FAAH2: variants seen among roughly 807,000 people sequenced by gnomAD.
FAAH2 encodes fatty-acid amide hydrolase 2.
A neutral mutation model predicts 36.9 loss-of-function variants in FAAH2; 60 were observed. The observed-to-expected ratio is 1.63, with a 90% CI of 1.32 to 2.02. The LOEUF is 2.02. FAAH2 is among the 30% of genes most tolerant of loss of function. FAAH2 has a pLI of 0.00. For missense variants in FAAH2, 689 were observed against 397.5 expected (o/e 1.73, Z -6.23); for synonymous variants, 214 against 143.8 (o/e 1.49, Z -3.49).
the FAAH2 span, among the ~76,000 whole-genome samples, chrX:57,245,285 G>T: frequency 1.8e-5 from 2 of 111,477 alleles, no homozygotes; most frequent in East Asian, 5.6e-4. Flanking sequence ...AATAGTGGGA[G>T]ACTTTAACAC....
At chrX:57,407,437 T>C (rs1448289208) in intron 7 of FAAH2, among the ~76,000 whole-genome samples, 1 of 112,044 alleles carries the variant, frequency 8.9e-6, no homozygotes, top group Non-Finnish European at 1.9e-5. Context: ...AACAATTTGT[T>C]GGTCAGCATT....
intron 10 of FAAH2, among the ~76,000 whole-genome samples, chrX:57,465,258 G>A (rs1013955108): frequency 9.0e-6 from 1 of 111,272 alleles, no homozygotes; most frequent in Non-Finnish European, 1.9e-5. Context: ...GGACCATTGT[G>A]ATACCCATCA....
At chrX:57,157,908 TTACATATTTA>T in the FAAH2 span, among the ~76,000 whole-genome samples, 5 of 110,762 alleles carry the variant, frequency 4.5e-5, no homozygotes, top group Admixed American at 2.9e-4. Context: ...TGCAGGTTTG[TTACATATTTA>T]TACAAGTGCC....
At chrX:57,387,744 C>T (rs1355788636) in intron 7 of FAAH2, among the ~76,000 whole-genome samples, 1 of 111,493 alleles carries the variant, frequency 9.0e-6, no homozygotes, top group Non-Finnish European at 1.9e-5. Context: ...GTGATAAATG[C>T]ATTTCTGAAA....
At chrX:57,233,560 C>G in the FAAH2 span, among the ~76,000 whole-genome samples, 3 of 111,662 alleles carry the variant, frequency 2.7e-5, no homozygotes, top group African/African-American at 9.8e-5. Flanking sequence ...GGGGGGAGGA[C>G]TTTTCCTTCC....
the FAAH2 span, among the ~76,000 whole-genome samples, chrX:57,158,920 A>T: frequency 2.0e-4 from 22 of 112,219 alleles, no homozygotes; most frequent in Non-Finnish European, 1.9e-5. Flanking sequence ...GTCTTTGCCC[A>T]TGCCATGTCC....
At chrX:57,445,952 A>G (rs766935321) in intron 8 of FAAH2, among the ~76,000 whole-genome samples, 30 of 112,318 alleles carry the variant, frequency 2.7e-4, no homozygotes, top group Admixed American at 1.1e-3. Context: ...GCCTCGGGCC[A>G]TGTTAGTCAG....
the FAAH2 span, among the ~76,000 whole-genome samples, chrX:57,264,293 A>C: frequency 8.9e-6 from 1 of 112,628 alleles, no homozygotes. Context: ...TACAGATTCC[A>C]CATATCTGGC....
At chrX:57,278,013 G>T in the FAAH2 span, among the ~76,000 whole-genome samples, 1 of 111,480 alleles carries the variant, frequency 9.0e-6, no homozygotes, top group African/African-American at 3.3e-5. Context: ...ATGATTTATA[G>T]ATTTAATGCC....
At chrX:57,308,520 T>C (rs981208631) in intron 2 of FAAH2, among the ~76,000 whole-genome samples, 3 of 111,869 alleles carry the variant, frequency 2.7e-5, no homozygotes, top group Non-Finnish European at 5.6e-5. Context: ...TCCTTATAGA[T>C]TCTGGATATT....
chrX:57,215,900 G>T, the FAAH2 span, among the ~76,000 whole-genome samples: 1 of 72,123 alleles, frequency 1.4e-5, no homozygotes, highest in Non-Finnish European at 2.3e-5. Context: ...AAACCACCAT[G>T]GCACTCATAT....
At chrX:57,370,473 T>C (rs1360198050) in intron 5 of FAAH2, among the ~76,000 whole-genome samples, 1 of 111,553 alleles carries the variant, frequency 9.0e-6, no homozygotes, top group Non-Finnish European at 1.9e-5. Flanking sequence ...CACAAATATA[T>C]AAGGCAAATA....
At chrX:57,399,635 C>A (rs766895715) in intron 7 of FAAH2, among the ~76,000 whole-genome samples, 8 of 111,405 alleles carry the variant, frequency 7.2e-5, no homozygotes, top group African/African-American at 1.6e-4. Context: ...TTTCTGATGA[C>A]CCCAGTAGTG....
intron 2 of FAAH2, among the ~76,000 whole-genome samples, chrX:57,293,937 G>A (rs1055205084): frequency 2.7e-5 from 3 of 111,053 alleles, no homozygotes; most frequent in African/African-American, 9.8e-5. Flanking sequence ...GAGACCTTAG[G>A]TAAAATAAAA....
chrX:57,292,086 C>A (rs1367346931), intron 1 of FAAH2, among the ~76,000 whole-genome samples: 2 of 111,129 alleles, frequency 1.8e-5, no homozygotes, highest in Admixed American at 1.9e-4. Context: ...TCTCCACTCT[C>A]CAACTCTTGG....
intron 5 of FAAH2, among the ~76,000 whole-genome samples, chrX:57,354,346 G>A (rs1006819336): frequency 2.7e-5 from 3 of 110,839 alleles, no homozygotes; most frequent in Non-Finnish European, 5.7e-5. Context: ...TAAGTATTAC[G>A]TGTTCTCCCC....
chrX:57,377,794 CTTGT>C (rs1287574102), intron 5 of FAAH2, among the ~76,000 whole-genome samples: 1 of 112,165 alleles, frequency 8.9e-6, no homozygotes, highest in Non-Finnish European at 1.9e-5. Flanking sequence ...TGTTTTTCCA[CTTGT>C]TTGTGTCCTC....
chrX:57,261,484 C>A, the FAAH2 span, among the ~76,000 whole-genome samples: 1 of 89,217 alleles, frequency 1.1e-5, no homozygotes, highest in Non-Finnish European at 2.1e-5. Flanking sequence ...ACCCAGGAGG[C>A]GGAGGTTGCA....
the FAAH2 span, among the ~76,000 whole-genome samples, chrX:57,219,496 A>G: frequency 8.9e-6 from 1 of 111,859 alleles, no homozygotes; most frequent in East Asian, 2.8e-4. Context: ...GTTTCCCCAG[A>G]AGCCCAGTTA....
Sources: allele counts gnomAD v4.1 joint callset (sites outside exome capture counted in the v4.1 genomes callset), GRCh38; gene constraint gnomAD v4.1.1; transcripts MANE v1.5; gene names NCBI Gene and HGNC (gene_info 2026-07-23, HGNC 2026-07-21).